GNG12: variants seen among roughly 807,000 people sequenced by gnomAD.
GNG12 encodes G protein subunit gamma 12.
For synonymous variants in GNG12, 28 were observed against 29.7 expected (o/e 0.94, Z 0.19); for missense variants, 69 against 83.8 (o/e 0.82, Z 0.69).
intron 2 of GNG12, among the ~76,000 whole-genome samples, chr1:67,715,463 A>G (rs1215289149): frequency 6.6e-6 from 1 of 152,228 alleles, no homozygotes; most frequent in Non-Finnish European, 1.5e-5. Flanking sequence ...TCTGGCAGGT[A>G]GAAGTGAGGA....
Position 67,725,071 on chromosome 1 carries a change from C to T in GNG12, c.-26-17359G>A, listed in dbSNP as rs539030096. On this transcript the variant is annotated intron_variant, in intron 2 of 3. Transcript: ENST00000370982. ...TCCACAGCACAAAGGAAGCAGCTGCCTTTTGAGGGAGCATGGACAGGATTA... is the reference window on the plus strand; with the variant it reads ...TCCACAGCACAAAGGAAGCAGCTGCTTTTTGAGGGAGCATGGACAGGATTA... Among the ~76,000 whole-genome samples the T allele has an allele frequency of 5.9e-5, 9 of 152,192 alleles. 1 individual carries two copies. Among genetic ancestry groups the T allele is most frequent in the African/African-American group, 1.4e-4 (6 of 41,492 alleles).
At chr1:67,711,095 C>T (rs954669548) in intron 2 of GNG12, among the ~76,000 whole-genome samples, 4 of 152,132 alleles carry the variant, frequency 2.6e-5, no homozygotes, top group African/African-American at 9.7e-5. Context: ...CATGGATAGC[C>T]TCACCCAGAA....
intron 1 of GNG12, among the ~76,000 whole-genome samples, chr1:67,803,707 T>C (rs182765791): frequency 6.6e-6 from 1 of 152,314 alleles, no homozygotes; most frequent in East Asian, 1.9e-4. Context: ...GTAGATAGCA[T>C]ATCCAATGTC....
At chr1:67,707,252 C>T (rs1646254811) in intron 3 of GNG12, among the ~76,000 whole-genome samples, 1 of 152,160 alleles carries the variant, frequency 6.6e-6, no homozygotes, top group Admixed American at 6.5e-5. Flanking sequence ...ACTTAAATTC[C>T]AAAGGAATGA....
At chr1:67,802,799 T>C (rs1646874207) in intron 1 of GNG12, among the ~76,000 whole-genome samples, 1 of 151,948 alleles carries the variant, frequency 6.6e-6, no homozygotes, top group Non-Finnish European at 1.5e-5. Context: ...CACTCCCTGG[T>C]TGGTTTCCTG....
At position 67,705,503 on chromosome 1, in the gene GNG12, A is replaced by G. The variant is rs1268508384; in HGVS notation, c.167T>C (p.Ile56Thr). 6.2e-7 allele frequency: 1 copy of G among 1,614,034 alleles called. No individual in the cohort carries two copies. The highest frequency in any genetic ancestry group is 8.5e-7 in the Non-Finnish European group (1 of 1,180,030). Residue 56 changes from isoleucine to threonine, a missense_variant, in exon 4 of 4, where the codon ATA (isoleucine) becomes ACA (threonine). By Grantham distance (89) the Ile-to-Thr change is moderately conservative. Transcript: ENST00000370982. ...CTTGAAAGGGTTTTCTGAAGTTGGT[A>G]TTCCTATCAGCAAAGGGTCACTCCT... ...HARSDPLLIG[I>T]PTSENPFKDK... is the part of the protein sequence containing the mutation.
chr1:67,718,585 C>T (rs548854120), intron 2 of GNG12, among the ~76,000 whole-genome samples: 1 of 151,824 alleles, frequency 6.6e-6, no homozygotes, highest in South Asian at 2.1e-4. Context: ...TTTGACAACC[C>T]ACCCCCACCC....
intron 2 of GNG12, chr1:67,777,201 C>T (rs958785903): frequency 1.3e-5 from 2 of 152,126 alleles, no homozygotes. Context: ...AGTTTCATTA[C>T]CCAAAAAAGT....
chr1:67,800,295 T>C (rs562891074), intron 1 of GNG12, among the ~76,000 whole-genome samples: 1 of 152,274 alleles, frequency 6.6e-6, no homozygotes, highest in Non-Finnish European at 1.5e-5. Context: ...AGTCGAAATA[T>C]GGGGAAGTGG....
At chr1:67,762,883 T>C (rs1191892440) in intron 2 of GNG12, among the ~76,000 whole-genome samples, 3 of 152,190 alleles carry the variant, frequency 2.0e-5, no homozygotes, top group Non-Finnish European at 4.4e-5. Flanking sequence ...GTTTTTAAGG[T>C]AGTCTAAATT....
intron 2 of GNG12, among the ~76,000 whole-genome samples, chr1:67,717,375 G>A (rs565076150): frequency 3.9e-4 from 59 of 152,222 alleles, no homozygotes; most frequent in African/African-American, 1.4e-3. Context: ...AATCAGCCGG[G>A]CGTGGTGGTG....
chr1:67,822,255 AC>A (rs1646988766), intron 1 of GNG12, among the ~76,000 whole-genome samples: 1 of 151,890 alleles, frequency 6.6e-6, no homozygotes, highest in East Asian at 2.0e-4. Context: ...CAATTCTTCC[AC>A]TGTGGCCCAG....
chr1:67,797,556 A>G (rs1029233109), intron 1 of GNG12, among the ~76,000 whole-genome samples: 1 of 152,208 alleles, frequency 6.6e-6, no homozygotes, highest in African/African-American at 2.4e-5. Flanking sequence ...GTAACCCTCC[A>G]CACTCACTCC....
At chr1:67,820,922 T>G (rs1646981226) in intron 1 of GNG12, among the ~76,000 whole-genome samples, 1 of 152,246 alleles carries the variant, frequency 6.6e-6, no homozygotes, top group Non-Finnish European at 1.5e-5. Context: ...ATATTAAAGA[T>G]GATGGATATT....
At chr1:67,708,962 C>A (rs139559832) in intron 2 of GNG12, among the ~76,000 whole-genome samples, 3 of 152,236 alleles carry the variant, frequency 2.0e-5, no homozygotes, top group Non-Finnish European at 4.4e-5. Context: ...ACCCAGACTC[C>A]AGGGCATCCA....
chr1:67,725,895 T>A (rs1278811535), intron 2 of GNG12, among the ~76,000 whole-genome samples: 1 of 152,208 alleles, frequency 6.6e-6, no homozygotes, highest in African/African-American at 2.4e-5. Context: ...TTTTAACATA[T>A]GTGGTTGAGT....
chr1:67,820,769 G>T (rs902511933), intron 1 of GNG12, among the ~76,000 whole-genome samples: 2 of 152,308 alleles, frequency 1.3e-5, no homozygotes, highest in East Asian at 3.9e-4. Flanking sequence ...TATAAGGAGT[G>T]AGAAAGTGTA....
rs557805818 is a variant in GNG12, at chr1:67,730,215, G to A, written c.-26-22503C>T. Among the ~76,000 whole-genome samples the A allele has an allele frequency of 8.5e-5, 13 of 152,286 alleles. No homozygotes were observed. The East Asian group carries it at 2.5e-3, about 29-fold the overall frequency. ...AAGCCAAATGTAAAAGAGTGAAAAAGGAGACTGGGTGTGGTGACTTACGCC... is the reference window on the plus strand; with the variant it reads ...AAGCCAAATGTAAAAGAGTGAAAAAAGAGACTGGGTGTGGTGACTTACGCC... On this transcript the variant is annotated intron_variant, in intron 2 of 3. Coordinates refer to ENST00000370982, the MANE Select transcript of GNG12 (RefSeq NM_018841.6).
intron 2 of GNG12, among the ~76,000 whole-genome samples, chr1:67,761,250 G>C (rs140252611): frequency 1.3e-5 from 2 of 152,138 alleles, no homozygotes; most frequent in Non-Finnish European, 2.9e-5. Context: ...TCTGTGCCAC[G>C]CCCTGAATTT....
Sources: allele counts gnomAD v4.1 joint callset (sites outside exome capture counted in the v4.1 genomes callset), GRCh38; gene constraint gnomAD v4.1.1; transcripts MANE v1.5; gene names NCBI Gene and HGNC (gene_info 2026-07-23, HGNC 2026-07-21).